Variants in SLC8A1 observed in about 807,000 individuals in gnomAD.
SLC8A1 encodes the protein solute carrier family 8 member A1.
A neutral mutation model predicts 68.3 loss-of-function variants in SLC8A1; 18 were observed. The ratio of observed to expected loss-of-function variants is 0.26; its 90% confidence interval spans 0.18 to 0.39. SLC8A1 has a LOEUF of 0.39. Ranked by LOEUF, SLC8A1 falls within the 10% of genes least tolerant of loss-of-function variation. The pLI, the probability that SLC8A1 is intolerant of heterozygous loss-of-function variation, is 1.00. For synonymous variants in SLC8A1, 475 were observed against 415.5 expected (o/e 1.14, Z -1.74); for missense variants, 985 against 1,156.7 (o/e 0.85, Z 2.15).
At position 40,177,827 on chromosome 2, in the gene SLC8A1, G is replaced by A. The variant is rs925677488; in HGVS notation, c.1837C>T (p.Arg613Cys). ...CTGCACTCTTTCTCATATTCCTCAC[G>A]GTCAAATATTCTAATGGTAATGATC... The change falls in exon 3 of 8, where the codon CGT becomes TGT. Residue 613 changes from arginine (R) to cysteine (C), a missense_variant. Arg to Cys is a radical substitution (Grantham distance 180, BLOSUM62 -3). This residue lies in a region of SLC8A1 where 584 missense variants were observed against 565.9 expected (regional missense o/e 1.03). Coordinates refer to ENST00000406785, the Ensembl canonical transcript of SLC8A1. 75 of 1,550,670 alleles carry A rather than the reference G, an allele frequency of 4.8e-5. No individual in the cohort carries two copies. In the Admixed American group the frequency reaches 6.7e-4, roughly 14 times the overall value.
chr2:40,379,165 G>T (rs1317051825), intron 2 of SLC8A1, among the ~76,000 whole-genome samples: 7 of 152,070 alleles, frequency 4.6e-5, no homozygotes, highest in Non-Finnish European at 1.0e-4. Context: ...CACTTGGAAA[G>T]CTTGTTAAAA....
chr2:40,300,025 C>T lies in SLC8A1; in HGVS notation c.1809-122170G>A, dbSNP rs148034277. Among the ~76,000 whole-genome samples the T allele has an allele frequency of 4.7e-3, 710 of 152,272 alleles. 7 individuals carry two copies. The highest frequency in any genetic ancestry group is 0.016 in the African/African-American group (668 of 41,552). ...CACCAATACTTCCAAAGTATTTAGA[C>T]CTTCAGGCTATCACTGTCCTCAAAG... On this transcript the variant is annotated intron_variant, in intron 2 of 7. Transcript: ENST00000406785.
chr2:40,173,546 C>T (rs1324387266), intron 4 of SLC8A1, among the ~76,000 whole-genome samples: 4 of 152,186 alleles, frequency 2.6e-5, no homozygotes, highest in Non-Finnish European at 5.9e-5. Flanking sequence ...CCACATGAAA[C>T]TGCACATATT....
intron 2 of SLC8A1, among the ~76,000 whole-genome samples, chr2:40,397,766 G>C (rs1033873543): frequency 6.6e-6 from 1 of 152,126 alleles, no homozygotes; most frequent in East Asian, 1.9e-4. Context: ...CAGAGATCCA[G>C]GTCAAAGAAA....
intron 2 of SLC8A1, among the ~76,000 whole-genome samples, chr2:40,404,039 C>G (rs1023535416): frequency 2.6e-5 from 4 of 152,116 alleles, no homozygotes; most frequent in African/African-American, 9.7e-5. Context: ...CTTAGACTAT[C>G]AAGATAAAGC....
intron 2 of SLC8A1, among the ~76,000 whole-genome samples, chr2:40,396,294 C>A (rs1206316932): frequency 2.0e-5 from 3 of 152,112 alleles, no homozygotes; most frequent in African/African-American, 7.2e-5. Context: ...TAGGCAGTAA[C>A]TTGAAGAGCG....
chr2:40,177,781 T>A (rs1253582099), exon 3 of SLC8A1: 1 of 1,550,756 alleles, frequency 6.4e-7, no homozygotes, highest in African/African-American at 1.4e-5. Flanking sequence ...CCATTTTGGT[T>A]CCTCAAGCAC....
intron 2 of SLC8A1, among the ~76,000 whole-genome samples, chr2:40,257,993 C>T (rs917756620): frequency 1.3e-5 from 2 of 152,146 alleles, no homozygotes; most frequent in Non-Finnish European, 2.9e-5. Flanking sequence ...ACAGGCACTA[C>T]AGTTCCCTTC....
At chr2:40,347,756 A>C (rs1218473450) in intron 2 of SLC8A1, among the ~76,000 whole-genome samples, 1 of 152,232 alleles carries the variant, frequency 6.6e-6, no homozygotes, top group African/African-American at 2.4e-5. Flanking sequence ...AACAAACTCC[A>C]AGTTTTAATG....
At chr2:40,454,117 C>T (rs927909585), upstream of SLC8A1, among the ~76,000 whole-genome samples, 18 of 152,080 alleles carry the variant, frequency 1.2e-4, no homozygotes, top group African/African-American at 4.1e-4. Flanking sequence ...TACTTAGAGT[C>T]CCTGAATTTA....
intron 3 of SLC8A1, 25 bp from the exon 4 acceptor site, chr2:40,175,306 AAC>A (rs1251965155): frequency 6.2e-7 from 1 of 1,609,720 alleles, no homozygotes; most frequent in African/African-American, 1.3e-5. Flanking sequence ...GACAAAGACA[AAC>A]ACAGAATAAG....
rs2065137151 is a variant in SLC8A1, at chr2:40,264,717, G to C, written c.1809-86862C>G. ...GACTGTTGTGGGGTGGGGTGAGGGAGAGGGATAGCATTAGGAGATATACCT... is the reference window on the plus strand; with the variant it reads ...GACTGTTGTGGGGTGGGGTGAGGGACAGGGATAGCATTAGGAGATATACCT... On this transcript the variant is annotated intron_variant, in intron 2 of 7. Transcript: ENST00000406785. Among the ~76,000 whole-genome samples the C allele has an allele frequency of 2.6e-5, 4 of 152,336 alleles. No individual in the cohort carries two copies. In the South Asian group the frequency reaches 8.3e-4, roughly 32 times the overall value.
intron 2 of SLC8A1, among the ~76,000 whole-genome samples, chr2:40,313,028 T>A (rs957121044): frequency 6.6e-6 from 1 of 152,164 alleles, no homozygotes; most frequent in African/African-American, 2.4e-5. Context: ...CACACACACA[T>A]ATATATGTAC....
chr2:40,358,797 T>A (rs919316567), intron 2 of SLC8A1, among the ~76,000 whole-genome samples: 28 of 152,260 alleles, frequency 1.8e-4, no homozygotes, highest in African/African-American at 6.5e-4. Flanking sequence ...CAGGGGCTGA[T>A]AAACAACAAC....
chr2:40,397,336 T>G (rs1687309281), intron 2 of SLC8A1, among the ~76,000 whole-genome samples: 1 of 152,170 alleles, frequency 6.6e-6, no homozygotes, highest in Non-Finnish European at 1.5e-5. Flanking sequence ...ACAAGCATTA[T>G]AGATAATAAA....
intron 1 of SLC8A1, among the ~76,000 whole-genome samples, chr2:40,446,985 T>C (rs796189432): frequency 2.0e-5 from 3 of 152,366 alleles, no homozygotes; most frequent in African/African-American, 7.2e-5. Context: ...GCTGAATCAC[T>C]ACCTTGTTTG....
At chr2:40,268,105 C>G (rs1276765128) in intron 2 of SLC8A1, among the ~76,000 whole-genome samples, 3 of 152,224 alleles carry the variant, frequency 2.0e-5, no homozygotes, top group East Asian at 1.9e-4. Context: ...AATGAGTAAT[C>G]AAAAGTTAGG....
chr2:40,238,329 T>C (rs1406400645), intron 2 of SLC8A1, among the ~76,000 whole-genome samples: 5 of 152,278 alleles, frequency 3.3e-5, no homozygotes, highest in Admixed American at 6.5e-5. Flanking sequence ...TTAAGCCCGT[T>C]GGAAAAGCGC....
intron 2 of SLC8A1, among the ~76,000 whole-genome samples, chr2:40,233,539 TGTAG>T (rs2059962834): frequency 7.1e-6 from 1 of 141,094 alleles, no homozygotes; most frequent in Non-Finnish European, 1.5e-5. Flanking sequence ...TCTCCCATTC[TGTAG>T]GTTGCCTGTT....
Sources: allele counts gnomAD v4.1 joint callset (sites outside exome capture counted in the v4.1 genomes callset), GRCh38; gene constraint gnomAD v4.1.1; regional missense constraint gnomAD v4.1.1; transcripts MANE v1.5; gene names NCBI Gene and HGNC (gene_info 2026-07-23, HGNC 2026-07-21).